POFUT3: variants seen among roughly 807,000 people sequenced by gnomAD.
POFUT3 encodes the protein GDP-fucose protein O-fucosyltransferase 3.
chr8:33,359,921 G>T, the POFUT3 span, among the ~76,000 whole-genome samples: 3 of 151,932 alleles, frequency 2.0e-5, no homozygotes, highest in Admixed American at 6.6e-5. Flanking sequence ...CAAGAGAATT[G>T]CTTACACCCG....
At chr8:33,397,824 A>G in the POFUT3 span, among the ~76,000 whole-genome samples, 2 of 152,204 alleles carry the variant, frequency 1.3e-5, no homozygotes, top group African/African-American at 4.8e-5. Flanking sequence ...CCTGAGCTCA[A>G]GTGATGCCTC....
the POFUT3 span, among the ~76,000 whole-genome samples, chr8:33,450,840 A>C: frequency 6.6e-6 from 1 of 152,108 alleles, no homozygotes; most frequent in African/African-American, 2.4e-5. Context: ...TAAGTGCATG[A>C]CTCTGTAGAT....
At chr8:33,335,151 A>ATGTGTGTGTGTGTGTGTG in the POFUT3 span, among the ~76,000 whole-genome samples, 75 of 145,872 alleles carry the variant, frequency 5.1e-4, no homozygotes, top group Middle Eastern at 0.014. Context: ...AAAGAAATAT[A>ATGTGTGTGTGTGTGTGTG]TGTGTGTGTG....
At chr8:33,418,174 T>C in the POFUT3 span, among the ~76,000 whole-genome samples, 1 of 152,154 alleles carries the variant, frequency 6.6e-6, no homozygotes, top group Non-Finnish European at 1.5e-5. Context: ...ACCCCAGTGA[T>C]ATCCCCCTTG....
At chr8:33,403,769 A>T in the POFUT3 span, among the ~76,000 whole-genome samples, 1 of 152,278 alleles carries the variant, frequency 6.6e-6, no homozygotes, top group East Asian at 1.9e-4. Context: ...GGTTAATTTT[A>T]TATTATTTAT....
chr8:33,456,503 G>T, the POFUT3 span, among the ~76,000 whole-genome samples: 2 of 151,428 alleles, frequency 1.3e-5, no homozygotes, highest in African/African-American at 4.8e-5. Context: ...GATTACAAAC[G>T]CAGGCCACCA....
the POFUT3 span, among the ~76,000 whole-genome samples, chr8:33,428,682 G>A: frequency 6.6e-6 from 1 of 152,208 alleles, no homozygotes; most frequent in South Asian, 2.1e-4. Context: ...GTGGCCTAAT[G>A]GGAGGTGGTT....
At chr8:33,344,258 G>C in the POFUT3 span, among the ~76,000 whole-genome samples, 3 of 152,288 alleles carry the variant, frequency 2.0e-5, no homozygotes, top group East Asian at 5.8e-4. Context: ...AGGGAAAGAA[G>C]CCAGCTTCTT....
the POFUT3 span, among the ~76,000 whole-genome samples, chr8:33,359,897 T>C: frequency 6.6e-6 from 1 of 151,670 alleles, no homozygotes; most frequent in Admixed American, 6.6e-5. Flanking sequence ...TCCCAGTTCC[T>C]CAGGAGGCTG....
At chr8:33,319,636 A>G in the POFUT3 span, among the ~76,000 whole-genome samples, 23 of 3,512 alleles carry the variant, frequency 6.5e-3, 1 homozygote, top group East Asian at 0.018. Context: ...TATTTTATAT[A>G]TATTTATATA....
the POFUT3 span, among the ~76,000 whole-genome samples, chr8:33,464,563 A>G: frequency 5.3e-4 from 80 of 152,298 alleles, no homozygotes; most frequent in Non-Finnish European, 9.7e-4. Context: ...TAATCCCAAC[A>G]GCTTGGGAGG....
At chr8:33,437,455 T>C in the POFUT3 span, among the ~76,000 whole-genome samples, 2 of 151,550 alleles carry the variant, frequency 1.3e-5, no homozygotes, top group South Asian at 2.1e-4. Context: ...AAAAAAACCA[T>C]ATAAATGCCT....
At chr8:33,308,559 A>G in the POFUT3 span, among the ~76,000 whole-genome samples, 3 of 152,192 alleles carry the variant, frequency 2.0e-5, no homozygotes, top group African/African-American at 7.2e-5. Flanking sequence ...AAAATTAAAT[A>G]TTCAATTTGA....
At chr8:33,312,682 A>G in the POFUT3 span, among the ~76,000 whole-genome samples, 2 of 152,056 alleles carry the variant, frequency 1.3e-5, no homozygotes, top group Admixed American at 6.6e-5. Flanking sequence ...GAAAACTTTC[A>G]TGTTTTCATT....
the POFUT3 span, among the ~76,000 whole-genome samples, chr8:33,382,703 CTG>C: frequency 9.2e-5 from 14 of 152,154 alleles, no homozygotes; most frequent in Non-Finnish European, 1.8e-4. Context: ...AAGCAAGAAA[CTG>C]ACGTTCTCCT....
the POFUT3 span, among the ~76,000 whole-genome samples, chr8:33,352,204 G>C: frequency 1.3e-5 from 2 of 152,126 alleles, no homozygotes; most frequent in African/African-American, 4.8e-5. Flanking sequence ...AATTTCACAC[G>C]CTTACAAAAA....
the POFUT3 span, among the ~76,000 whole-genome samples, chr8:33,427,944 G>C: frequency 1.8e-4 from 27 of 152,176 alleles, no homozygotes; most frequent in East Asian, 4.7e-3. Context: ...GGCCAACATG[G>C]TGAAACCCAT....
the POFUT3 span, among the ~76,000 whole-genome samples, chr8:33,320,378 T>G: frequency 3.9e-5 from 6 of 152,116 alleles, no homozygotes; most frequent in African/African-American, 1.4e-4. Flanking sequence ...GTACCTAGAA[T>G]GCTACATTTT....
At chr8:33,405,027 T>C in the POFUT3 span, among the ~76,000 whole-genome samples, 1 of 152,154 alleles carries the variant, frequency 6.6e-6, no homozygotes. Context: ...ATTGCTCAAG[T>C]CTTCATGTTG....
Sources: allele counts gnomAD v4.1 joint callset (sites outside exome capture counted in the v4.1 genomes callset), GRCh38; gene constraint gnomAD v4.1.1; transcripts MANE v1.5; gene names NCBI Gene and HGNC (gene_info 2026-07-23, HGNC 2026-07-21).